The following SYCP1 variants were observed in gnomAD, a reference collection of about 807,000 sequenced individuals.
SYCP1 encodes cancer/testis antigen 8.
SYCP1 carries 64 observed loss-of-function variants against 153.1 expected under a neutral mutation model. That is an observed-to-expected ratio of 0.42 (90% confidence interval 0.34 to 0.51). The LOEUF (loss-of-function observed/expected upper bound fraction) is 0.51, where lower values mean the gene tolerates loss of function less well. Ranked by LOEUF, SYCP1 falls within the 20% of genes least tolerant of loss-of-function variation. The probability of loss-of-function intolerance (pLI) is 0.06; values close to 1 mark genes in which losing one functional copy is unlikely to be tolerated. For synonymous variants in SYCP1, 384 were observed against 341.8 expected, an observed-to-expected ratio of 1.12 and a Z score of -1.36; for missense variants, 997 against 1,049.0, an observed-to-expected ratio of 0.95 and a Z score of 0.68.
intron 27 of SYCP1, among the ~76,000 whole-genome samples, chr1:114,973,305 C>G (rs1408482817): frequency 6.6e-6 from 1 of 151,936 alleles, no homozygotes; most frequent in East Asian, 1.9e-4. Context: ...GCAAGGATAA[C>G]TAATTCTTTA....
intron 20 of SYCP1, among the ~76,000 whole-genome samples, chr1:114,921,577 G>A (rs1179753484): frequency 6.6e-6 from 1 of 151,710 alleles, no homozygotes; most frequent in East Asian, 1.9e-4. Context: ...TACTGGGGAG[G>A]CTGAGGCAGG....
intron 6 of SYCP1, 149 bp downstream of exon 6, chr1:114,858,860 C>T (rs1383241831): frequency 5.8e-6 from 4 of 685,178 alleles, no homozygotes; most frequent in Non-Finnish European, 7.3e-6. Flanking sequence ...TACATCAATA[C>T]TGGATACATT....
chr1:114,941,602 A>G (rs778102555), intron 23 of SYCP1, among the ~76,000 whole-genome samples: 1 of 152,072 alleles, frequency 6.6e-6, no homozygotes, highest in Non-Finnish European at 1.5e-5. Context: ...ATATGTTAGT[A>G]TACTATTATT....
chr1:114,893,321 A>G (rs541638758), intron 15 of SYCP1, among the ~76,000 whole-genome samples: 95 of 151,000 alleles, frequency 6.3e-4, no homozygotes, highest in Middle Eastern at 3.4e-3. Context: ...CTGTATCTCT[A>G]TCTCATCTCT....
chr1:114,958,566 A>G (rs1164364268), intron 27 of SYCP1, among the ~76,000 whole-genome samples: 5 of 152,118 alleles, frequency 3.3e-5, no homozygotes, highest in African/African-American at 7.2e-5. Flanking sequence ...AATATGTACA[A>G]CTATTATATA....
intron 8 of SYCP1, among the ~76,000 whole-genome samples, chr1:114,863,280 C>G (rs1664500416): frequency 9.8e-6 from 1 of 102,052 alleles, no homozygotes; most frequent in Non-Finnish European, 2.1e-5. Context: ...CTAGGCCAGG[C>G]ACAGGGCTCA....
At chr1:114,977,719 A>G (rs1190466459) in intron 28 of SYCP1, 103 bp downstream of exon 28, 4 of 652,972 alleles carry the variant, frequency 6.1e-6, no homozygotes, top group African/African-American at 1.9e-5. Flanking sequence ...CATTTTACAT[A>G]TATCATACAA....
intron 27 of SYCP1, among the ~76,000 whole-genome samples, chr1:114,959,662 A>G (rs901579156): frequency 2.6e-5 from 4 of 151,646 alleles, no homozygotes; most frequent in African/African-American, 7.3e-5. Context: ...ATCAAATGCT[A>G]TATCTTATTC....
intron 10 of SYCP1, among the ~76,000 whole-genome samples, chr1:114,876,535 T>G (rs1255760587): frequency 6.6e-6 from 1 of 151,544 alleles, no homozygotes; most frequent in Non-Finnish European, 1.5e-5. Flanking sequence ...AATTTTAGGT[T>G]ATTATAACTG....
At chr1:114,860,835 A>G (rs1477443224) in intron 8 of SYCP1, 26 bp downstream of exon 8, 11 of 1,508,026 alleles carry the variant, frequency 7.3e-6, no homozygotes, top group Non-Finnish European at 9.8e-6. Flanking sequence ...GTTTTATGTG[A>G]TTTTATCAAT....
intron 12 of SYCP1, among the ~76,000 whole-genome samples, chr1:114,882,919 A>G (rs1250820401): frequency 1.3e-5 from 2 of 152,114 alleles, no homozygotes; most frequent in Non-Finnish European, 2.9e-5. Flanking sequence ...GGCTTATTGT[A>G]CAAAAGTTTA....
chr1:114,968,283 G>T (rs1195185189), intron 27 of SYCP1, among the ~76,000 whole-genome samples: 1 of 152,278 alleles, frequency 6.6e-6, no homozygotes, highest in East Asian at 1.9e-4. Context: ...TTTCCAACTT[G>T]GTTCCATTCT....
intron 23 of SYCP1, among the ~76,000 whole-genome samples, chr1:114,927,306 G>A (rs961060106): frequency 8.6e-5 from 13 of 151,930 alleles, no homozygotes; most frequent in Non-Finnish European, 1.6e-4. Flanking sequence ...TAAGGAGAAA[G>A]GTACAAAAAT....
intron 27 of SYCP1, among the ~76,000 whole-genome samples, chr1:114,953,446 A>G (rs575341100): frequency 6.6e-6 from 1 of 152,260 alleles, no homozygotes; most frequent in Admixed American, 6.5e-5. Context: ...TTAGAATTTT[A>G]TTTTTTATAC....
chr1:114,948,818 T>A (rs1163896061), intron 27 of SYCP1, among the ~76,000 whole-genome samples: 1 of 152,230 alleles, frequency 6.6e-6, no homozygotes, highest in Non-Finnish European at 1.5e-5. Flanking sequence ...ACCTTTATCC[T>A]ACTGTTTCAG....
chr1:114,988,869 A>G (rs1391621703), intron 30 of SYCP1, among the ~76,000 whole-genome samples: 1 of 152,024 alleles, frequency 6.6e-6, no homozygotes, highest in Non-Finnish European at 1.5e-5. Context: ...ATGTATAAAG[A>G]TGTAGTTTGT....
intron 8 of SYCP1, among the ~76,000 whole-genome samples, chr1:114,870,345 CT>C (rs1281484103): frequency 2.0e-5 from 3 of 152,192 alleles, no homozygotes; most frequent in Admixed American, 6.5e-5. Flanking sequence ...CTCTTTATAT[CT>C]GACAACTTTC....
chr1:114,909,520 A>ACG (rs942838801), intron 16 of SYCP1, among the ~76,000 whole-genome samples: 3 of 144,264 alleles, frequency 2.1e-5, no homozygotes, highest in Non-Finnish European at 4.5e-5. Context: ...ACACACACAC[A>ACG]CACACACACA....
Position 114,983,822 on chromosome 1 carries a change from T to A in SYCP1, c.2560-903T>A, listed in dbSNP as rs1673324001. ...GATTCCGACAAGTTTTTACCAATATTTTTATGGCTTTTATGGAGGAGTGAA... is the reference window on the plus strand; with the variant it reads ...GATTCCGACAAGTTTTTACCAATATATTTATGGCTTTTATGGAGGAGTGAA... On this transcript the variant is annotated intron_variant, in intron 29 of 31. Coordinates refer to ENST00000369522, the MANE Select transcript of SYCP1 (RefSeq NM_003176.4). Among the ~76,000 whole-genome samples the A allele has an allele frequency of 3.3e-5, 5 of 152,194 alleles. No homozygotes were observed. The South Asian group carries it at 1.0e-3, about 32-fold the overall frequency.
Sources: allele counts gnomAD v4.1 joint callset (sites outside exome capture counted in the v4.1 genomes callset), GRCh38; gene constraint gnomAD v4.1.1; transcripts MANE v1.5; gene names NCBI Gene and HGNC (gene_info 2026-07-23, HGNC 2026-07-21).